BIRC6: variants seen among roughly 807,000 people sequenced by gnomAD.
BIRC6 encodes dual E2 ubiquitin-conjugating enzyme/E3 ubiquitin-protein ligase BIRC6.
BIRC6 carries 98 observed loss-of-function variants against 503.3 expected under a neutral mutation model. The observed-to-expected ratio is 0.19, with a 90% confidence interval of 0.17 to 0.23. The LOEUF is 0.23. BIRC6 is among the 10% of genes least tolerant of loss of function. The pLI is 1.00. For synonymous variants in BIRC6, 2,240 were observed against 2,078.7 expected (o/e 1.08, Z -2.11); for missense variants, 5,360 against 5,806.0 (o/e 0.92, Z 2.50).
At chr2:32,427,653 C>G (rs1348363547) in intron 10 of BIRC6, among the ~76,000 whole-genome samples, 1 of 151,490 alleles carries the variant, frequency 6.6e-6, no homozygotes, top group Non-Finnish European at 1.5e-5. Context: ...AATCTCTATA[C>G]CCCTGGTTTC....
At chr2:32,557,186 A>G (rs1303324210) in intron 65 of BIRC6, 1 of 152,194 alleles carries the variant, frequency 6.6e-6, no homozygotes, top group Non-Finnish European at 1.5e-5. Flanking sequence ...ATAATTTCCA[A>G]AGACAGTTTT....
chr2:32,491,681 T>A, intron 44 of BIRC6, 123 bp downstream of exon 44: 2 of 1,063,792 alleles, frequency 1.9e-6, no homozygotes, highest in Non-Finnish European at 2.6e-6. Flanking sequence ...ATCAATATAA[T>A]AAAAAAGGTT....
chr2:32,476,968 C>T (rs2149107015), intron 34 of BIRC6, among the ~76,000 whole-genome samples: 1 of 152,240 alleles, frequency 6.6e-6, no homozygotes, highest in Admixed American at 6.5e-5. Flanking sequence ...TATGATTATT[C>T]CGCCAGATTT....
rs2034500734 is a variant in BIRC6 at position 32,363,950 on chromosome 2, A to T, written c.325+6464A>T. On this transcript the variant is annotated intron_variant, in intron 1 of 73. Coordinates refer to ENST00000421745, the MANE Select transcript of BIRC6 (RefSeq NM_016252.4). Reference sequence around the variant, plus strand: ...ATACATAGAGGATAGGCAGATGTAGATGGAAATATAAATGTTTGTAACAAA... The same window carrying T: ...ATACATAGAGGATAGGCAGATGTAGTTGGAAATATAAATGTTTGTAACAAA... 2.6e-5 allele frequency among the ~76,000 whole-genome samples: 4 copies of T among 152,256 alleles called. No individual in the cohort carries two copies. In the South Asian group the frequency reaches 8.3e-4, roughly 31 times the overall value.
intron 3 of BIRC6, among the ~76,000 whole-genome samples, chr2:32,382,143 C>A (rs985407223): frequency 2.6e-5 from 4 of 152,156 alleles, no homozygotes; most frequent in Non-Finnish European, 4.4e-5. Context: ...TCTGGAGGAA[C>A]AAAGAGTAGA....
intron 62 of BIRC6, among the ~76,000 whole-genome samples, chr2:32,544,417 G>C (rs1239820589): frequency 1.3e-5 from 2 of 151,166 alleles, no homozygotes; most frequent in Non-Finnish European, 3.0e-5. Context: ...TAGAAAAACT[G>C]AAGAATTACA....
chr2:32,547,778 T>C, intron 63 of BIRC6, 72 bp from the exon 64 acceptor site: 1 of 1,297,294 alleles, frequency 7.7e-7, no homozygotes. Flanking sequence ...CATTTTACTT[T>C]CCCAGTGATA....
At position 32,367,472 on chromosome 2, in the gene BIRC6, A is replaced by C. The variant is rs1028723360; in HGVS notation, c.325+9986A>C. Among the ~76,000 whole-genome samples the C allele has an allele frequency of 1.8e-4, 28 of 152,178 alleles. 1 individual carries two copies. The highest frequency in any genetic ancestry group is 9.2e-4 in the Admixed American group (14 of 15,264). ...CAGTGAAACACCATCTCAAAAAAAA[A>C]ACAAAAAAACGAAAAACAACAAAAC... On this transcript the variant is annotated intron_variant, in intron 1 of 73. Transcript: ENST00000421745.
At chr2:32,377,940 G>A (rs1326786223) in intron 2 of BIRC6, among the ~76,000 whole-genome samples, 171 bp downstream of exon 2, 4 of 152,004 alleles carry the variant, frequency 2.6e-5, no homozygotes, top group African/African-American at 9.7e-5. Context: ...CCTTTTCTCT[G>A]CATAATTAAT....
chr2:32,378,746 C>T (rs990773285), intron 2 of BIRC6, among the ~76,000 whole-genome samples: 3 of 152,166 alleles, frequency 2.0e-5, no homozygotes, highest in Non-Finnish European at 2.9e-5. Context: ...CGTGAGCCAC[C>T]GCACCCAGCC....
Position 32,471,114 on chromosome 2 carries a change from A to G in BIRC6, c.6582A>G (p.Lys2194=), listed in dbSNP as rs2049047996. The G allele has an allele frequency of 1.9e-6, 3 of 1,568,964 alleles. No homozygotes were observed. In the African/African-American group the frequency reaches 4.0e-5, roughly 21 times the overall value. ...AAGATGAAGCAGCAGCTGCAAAGAA[A>G]CCTTTGAATGGTAAAGACAGGGAGA... ...TVEDEAAAAK[K]PLNGNQWSFI... Residue 2194 remains lysine, a synonymous_variant, in exon 32 of 74, where the codon AAA becomes AAG. Coordinates refer to ENST00000421745, the MANE Select transcript of BIRC6 (RefSeq NM_016252.4).
intron 40 of BIRC6, 87 bp from the exon 41 acceptor site, chr2:32,487,560 A>AATTT: frequency 1.7e-6 from 2 of 1,209,614 alleles, no homozygotes; most frequent in East Asian, 2.4e-5. Context: ...TTTTAAAAAC[A>AATTT]ATTTAACCTA....
chr2:32,547,585 A>G (rs1374300838), intron 63 of BIRC6, among the ~76,000 whole-genome samples: 1 of 152,094 alleles, frequency 6.6e-6, no homozygotes, highest in East Asian at 1.9e-4. Flanking sequence ...TGATCCATTC[A>G]TCGGTTGGCA....
At chr2:32,485,841 AT>A in intron 40 of BIRC6, 82 bp downstream of exon 40, 1 of 931,724 alleles carries the variant, frequency 1.1e-6, no homozygotes, top group Non-Finnish European at 1.7e-6. Flanking sequence ...TCAAGGACAG[AT>A]TTTTAAATTC....
chr2:32,404,460 C>A (rs1558634799), intron 8 of BIRC6, among the ~76,000 whole-genome samples: 2 of 151,432 alleles, frequency 1.3e-5, no homozygotes, highest in Non-Finnish European at 2.9e-5. Context: ...TGGGACTGAC[C>A]CGTGCCACCA....
chr2:32,540,580 G>T (rs2057585334), intron 61 of BIRC6, among the ~76,000 whole-genome samples: 1 of 151,984 alleles, frequency 6.6e-6, no homozygotes, highest in African/African-American at 2.4e-5. Flanking sequence ...AATAATACAA[G>T]TGAATATAAT....
chr2:32,461,033 T>G, intron 23 of BIRC6, among the ~76,000 whole-genome samples: 1 of 70,076 alleles, frequency 1.4e-5, no homozygotes, highest in African/African-American at 4.8e-5. Context: ...TTCTCTTCTC[T>G]TCTCTTCTCT....
At chr2:32,585,080 A>G (rs1365098994) in intron 66 of BIRC6, among the ~76,000 whole-genome samples, 4 of 152,124 alleles carry the variant, frequency 2.6e-5, no homozygotes. Flanking sequence ...TTAGGCCTAT[A>G]AAGAGTGGGA....
At chr2:32,378,100 C>T (rs915095992) in intron 2 of BIRC6, among the ~76,000 whole-genome samples, 2 of 152,078 alleles carry the variant, frequency 1.3e-5, no homozygotes, top group African/African-American at 4.8e-5. Flanking sequence ...TTGCCAACCT[C>T]AACACTTGGG....
Sources: gnomAD v4.1 joint callset for allele counts (sites outside exome capture counted in the v4.1 genomes callset) on GRCh38, gnomAD v4.1.1 for gene constraint, MANE v1.5 for transcripts, NCBI Gene and HGNC (gene_info 2026-07-23, HGNC 2026-07-21) for gene names.